ABCB7: variants seen among roughly 807,000 people sequenced by gnomAD.
ABCB7 encodes the protein iron-sulfur clusters transporter ABCB7, mitochondrial.
ABCB7 carries 7 observed loss-of-function variants against 54.4 expected under a neutral mutation model. The ratio of observed to expected loss-of-function variants is 0.13; its 90% confidence interval spans 0.07 to 0.24. ABCB7 has a LOEUF of 0.24. ABCB7 is among the 10% of genes least tolerant of loss of function. The probability of loss-of-function intolerance (pLI) is 1.00; values close to 1 mark genes in which losing one functional copy is unlikely to be tolerated. For missense variants in ABCB7, 356 were observed against 570.4 expected (o/e 0.62, Z 3.83); for synonymous variants, 218 against 207.1 (o/e 1.05, Z -0.45).
At position 75,094,610 on chromosome X, in the gene ABCB7, G is replaced by A. The variant is rs781711050; in HGVS notation, c.453+4332C>T. Among the ~76,000 whole-genome samples, 126 of 111,143 alleles carry A rather than the reference G, an allele frequency of 1.1e-3. 1 individual carries two copies. Among genetic ancestry groups the A allele is most frequent in the Non-Finnish European group, 1.8e-3 (95 of 53,001 alleles). ...CACCTGTAATCCCAGCTACTCAGGA[G>A]GCTGAGACAGGAGAATTGCTTGAAC... On this transcript the variant is annotated intron_variant, in intron 4 of 15. Transcript: ENST00000373394.
At chrX:75,104,397 G>A (rs544760205) in intron 3 of ABCB7, among the ~76,000 whole-genome samples, 4 of 108,852 alleles carry the variant, frequency 3.7e-5, no homozygotes, top group Non-Finnish European at 5.7e-5. Context: ...AAATATCATC[G>A]GAGACTACTA....
chrX:75,060,402 T>C (rs2081273694), intron 14 of ABCB7, 72 bp from the exon 15 acceptor site: 2 of 822,172 alleles, frequency 2.4e-6, no homozygotes, highest in Non-Finnish European at 3.6e-6. Flanking sequence ...TAAATTAAAA[T>C]AATCATACAT....
chrX:75,113,847 G>T (rs2081784534), intron 2 of ABCB7, among the ~76,000 whole-genome samples: 1 of 111,913 alleles, frequency 8.9e-6, no homozygotes. Context: ...CCATAAACAG[G>T]ATATTGATTT....
At chrX:75,079,410 G>T (rs564205741) in intron 4 of ABCB7, among the ~76,000 whole-genome samples, 18 of 111,894 alleles carry the variant, frequency 1.6e-4, no homozygotes, top group African/African-American at 5.8e-4. Context: ...TTGGGGATGG[G>T]ACTAGCAAAT....
chrX:75,133,880 A>C (rs1004895462), intron 1 of ABCB7, among the ~76,000 whole-genome samples: 2 of 111,895 alleles, frequency 1.8e-5, no homozygotes, highest in Non-Finnish European at 3.8e-5. Flanking sequence ...CACAAAACAC[A>C]CTCAAATACA....
At chrX:75,063,996 C>A (rs1263195457) in intron 13 of ABCB7, among the ~76,000 whole-genome samples, 4 of 111,103 alleles carry the variant, frequency 3.6e-5, no homozygotes, top group African/African-American at 1.3e-4. Context: ...ATTAGCCAAA[C>A]GGACACATAA....
intron 3 of ABCB7, among the ~76,000 whole-genome samples, chrX:75,112,358 G>A (rs2081767961): frequency 9.0e-6 from 1 of 111,309 alleles, no homozygotes; most frequent in Admixed American, 9.6e-5. Context: ...TTCACTTACT[G>A]AGAAAAAATA....
chrX:75,154,513 T>G (rs1190897784), intron 1 of ABCB7, among the ~76,000 whole-genome samples: 2 of 112,026 alleles, frequency 1.8e-5, no homozygotes, highest in Non-Finnish European at 3.8e-5. Flanking sequence ...CTTAATGAAA[T>G]CATCTAGATT....
intron 1 of ABCB7, among the ~76,000 whole-genome samples, chrX:75,127,593 T>A (rs1347671829): frequency 9.0e-6 from 1 of 111,528 alleles, no homozygotes; most frequent in Non-Finnish European, 1.9e-5. Flanking sequence ...CAAAGGGTAT[T>A]CAAATAGGAA....
At chrX:75,127,473 G>A (rs2081942041) in intron 1 of ABCB7, among the ~76,000 whole-genome samples, 1 of 111,762 alleles carries the variant, frequency 8.9e-6, no homozygotes, top group African/African-American at 3.3e-5. Flanking sequence ...GCAAAAACTG[G>A]AAGCATTCCC....
chrX:75,119,180 G>C (rs1235948389), intron 1 of ABCB7, among the ~76,000 whole-genome samples: 9 of 112,221 alleles, frequency 8.0e-5, no homozygotes, highest in Non-Finnish European at 1.7e-4. Context: ...AATAGAAACA[G>C]TTTTACATGC....
chrX:75,073,780 T>A lies in ABCB7; in HGVS notation c.945-4A>T. 1 of 1,195,643 alleles carries A rather than the reference T, an allele frequency of 8.4e-7. No individual in the cohort carries two copies. Among genetic ancestry groups the A allele is most frequent in the African/African-American group, 1.7e-5 (1 of 57,545 alleles). ...CATTTCTATTCTAAATCTAGTTCTG[T>A]AAGACAAAGATTTGCATAGGCATGA... On this transcript the variant is annotated splice_region_variant and splice_polypyrimidine_tract_variant and intron_variant, in intron 7 of 15. Coordinates refer to ENST00000373394, the MANE Select transcript of ABCB7 (RefSeq NM_001271696.3).
At position 75,156,207 on chromosome X, in the gene ABCB7, C is replaced by A. The variant is rs746368516; in HGVS notation, c.66G>T (p.Arg22=). 7 of 1,203,490 alleles carry A rather than the reference C, an allele frequency of 5.8e-6. No homozygotes were observed. Among genetic ancestry groups the A allele is most frequent in the Non-Finnish European group, 7.8e-6 (7 of 892,035 alleles). ...AAAAAAFEKR[R]HSAILIRPLV... is the part of the protein sequence containing the mutation. ...AAGGCCGGATCAGAATCGCGGAGTG[C>A]CGGCGCTTTTCGAAAGCAGCCGCCG... The change falls in exon 1 of 16, where the codon CGG becomes CGT. Residue 22 remains arginine (R), a synonymous_variant. Transcript: ENST00000373394.
intron 15 of ABCB7, among the ~76,000 whole-genome samples, chrX:75,058,405 G>C (rs2081258350): frequency 9.0e-6 from 1 of 111,042 alleles, no homozygotes; most frequent in Non-Finnish European, 1.9e-5. Context: ...GTATGGTTAG[G>C]GGAAGAAGAG....
intron 3 of ABCB7, among the ~76,000 whole-genome samples, chrX:75,108,740 T>A: frequency 9.1e-6 from 1 of 110,470 alleles, no homozygotes; most frequent in Admixed American, 9.6e-5. Context: ...TGAAAGCAAC[T>A]GAAAACGAGG....
chrX:75,145,816 A>G (rs942152573), intron 1 of ABCB7, among the ~76,000 whole-genome samples: 9 of 111,695 alleles, frequency 8.1e-5, no homozygotes, highest in Non-Finnish European at 9.4e-5. Flanking sequence ...GGCAGATGGC[A>G]TGATCCTGTA....
intron 4 of ABCB7, among the ~76,000 whole-genome samples, chrX:75,087,843 A>G (rs2081511576): frequency 8.9e-6 from 1 of 111,863 alleles, no homozygotes; most frequent in African/African-American, 3.2e-5. Context: ...CCACAAAACA[A>G]ACTTGTTTTA....
At chrX:75,155,358 G>T (rs1209129540) in intron 1 of ABCB7, among the ~76,000 whole-genome samples, 1 of 112,678 alleles carries the variant, frequency 8.9e-6, no homozygotes, top group Non-Finnish European at 1.9e-5. Flanking sequence ...AAAATAAAAA[G>T]ATATACTTTA....
At chrX:75,148,030 C>T (rs924385189) in intron 1 of ABCB7, among the ~76,000 whole-genome samples, 1 of 111,518 alleles carries the variant, frequency 9.0e-6, no homozygotes, top group African/African-American at 3.3e-5. Context: ...GCAGGAGAAT[C>T]GCTTGAACCT....
Sources: allele counts gnomAD v4.1 joint callset (sites outside exome capture counted in the v4.1 genomes callset), GRCh38; gene constraint gnomAD v4.1.1; transcripts MANE v1.5; gene names NCBI Gene and HGNC (gene_info 2026-07-23, HGNC 2026-07-21).